The following SRPX variants were observed in gnomAD, a reference collection of about 807,000 sequenced individuals.
SRPX encodes the protein sushi repeat containing protein X-linked, also known as sushi repeat-containing protein SRPX.
A neutral mutation model predicts 38.1 loss-of-function variants in SRPX; 24 were observed. The ratio of observed to expected loss-of-function variants is 0.63; its 90% confidence interval spans 0.46 to 0.89. The LOEUF is 0.89. Among genes scored for constraint, SRPX ranks in the 40% least tolerant of loss-of-function variants. The pLI, the probability that SRPX is intolerant of heterozygous loss-of-function variation, is 0.00. For synonymous variants in SRPX, 184 were observed against 153.8 expected (o/e 1.20, Z -1.45); for missense variants, 416 against 377.8 (o/e 1.10, Z -0.84).
At chrX:38,151,036 A>G (rs1465524807) in intron 9 of SRPX, among the ~76,000 whole-genome samples, 1 of 112,334 alleles carries the variant, frequency 8.9e-6, no homozygotes, top group Non-Finnish European at 1.9e-5. Flanking sequence ...TTTTCCTCAT[A>G]CAAACAGATC....
At chrX:38,179,120 A>G (rs1329977856) in intron 1 of SRPX, among the ~76,000 whole-genome samples, 2 of 109,431 alleles carry the variant, frequency 1.8e-5, no homozygotes, top group East Asian at 5.7e-4. Flanking sequence ...CTAATTTTGT[A>G]TTTTTAGTAG....
At chrX:38,176,708 G>A (rs751453015) in intron 2 of SRPX, among the ~76,000 whole-genome samples, 5 of 111,716 alleles carry the variant, frequency 4.5e-5, no homozygotes, top group East Asian at 2.8e-4. Flanking sequence ...TAGGAGAATC[G>A]CTTGAACCTG....
In SRPX at chrX:38,172,055, T is replaced by G; in HGVS notation, c.352A>C (p.Lys118Gln). The change falls in exon 4 of 10, where the codon AAG becomes CAG. Residue 118 changes from lysine to glutamine, a missense_variant and splice_region_variant. By Grantham distance (53) the Lys-to-Gln change is moderately conservative (BLOSUM62 1). Transcript: ENST00000378533. ...RWSDKVICKQ[K>Q]RCPTLAMPAN... is the part of the protein sequence containing the mutation. ...GGCATGGCAAGGGTAGGACATCGCTTTTCTGAAAATGAGAAAATCAGATAT... is the reference window on the plus strand; with the variant it reads ...GGCATGGCAAGGGTAGGACATCGCTGTTCTGAAAATGAGAAAATCAGATAT... 1 of 1,207,110 alleles carries G rather than the reference T, an allele frequency of 8.3e-7. No individual in the cohort carries two copies. Among genetic ancestry groups the G allele is most frequent in the South Asian group, 1.8e-5 (1 of 56,302 alleles).
At chrX:38,166,456 A>C (rs1488729762) in intron 4 of SRPX, among the ~76,000 whole-genome samples, 1 of 112,028 alleles carries the variant, frequency 8.9e-6, no homozygotes, top group African/African-American at 3.2e-5. Flanking sequence ...TATTTCAGGG[A>C]TATTAAAAGG....
chrX:38,165,314 A>G (rs1234942570), intron 4 of SRPX, among the ~76,000 whole-genome samples: 1 of 112,246 alleles, frequency 8.9e-6, no homozygotes, highest in East Asian at 2.8e-4. Flanking sequence ...GCTATCATCT[A>G]GTCAGATTCA....
rs146651232 is a variant in SRPX at position 38,157,002 on chromosome X, G to T, written c.983C>A (p.Thr328Lys). The T allele has an allele frequency of 8.3e-7, 1 of 1,209,579 alleles. No homozygotes were observed. The highest frequency in any genetic ancestry group is 1.8e-5 in the African/African-American group (1 of 57,110). Reference protein sequence around the residue: ...AAMNVNVGVRTAAALLDQFYE... With the variant: ...AAMNVNVGVRKAAALLDQFYE... ...AAACTGATCCAGAAGTGCAGCTGCC[G>T]TTCTGACACCCACATTGACGTTCAT... The change falls in exon 8 of 10, where the codon ACG becomes AAG. Residue 328 changes from threonine to lysine, a missense_variant. Transcript: ENST00000378533.
intron 1 of SRPX, among the ~76,000 whole-genome samples, chrX:38,194,556 G>A (rs1938959943): frequency 8.9e-6 from 1 of 112,071 alleles, no homozygotes; most frequent in African/African-American, 3.2e-5. Flanking sequence ...CCTGCACATT[G>A]TTCAAGGGAG....
At chrX:38,219,702 G>A (rs1195257986) in intron 1 of SRPX, among the ~76,000 whole-genome samples, 1 of 111,947 alleles carries the variant, frequency 8.9e-6, no homozygotes, top group Non-Finnish European at 1.9e-5. Context: ...GAACTCAGTA[G>A]GTTCATTTCT....
At chrX:38,181,849 C>T (rs1332368166) in intron 1 of SRPX, among the ~76,000 whole-genome samples, 1 of 111,403 alleles carries the variant, frequency 9.0e-6, no homozygotes, top group Non-Finnish European at 1.9e-5. Context: ...TACCCTAACA[C>T]AGGGCACACT....
chrX:38,149,709 T>C lies in SRPX; in HGVS notation c.*2A>G, dbSNP rs1239760037. Reference sequence around the variant, plus strand: ...GGAATTGCCAAGAGAGGAACCATCATGTCAGGTGTTACAGGTCTGGCTCAT... The same window carrying C: ...GGAATTGCCAAGAGAGGAACCATCACGTCAGGTGTTACAGGTCTGGCTCAT... On this transcript the variant is annotated 3_prime_UTR_variant, in exon 10 of 10. Transcript: ENST00000378533. 5 of 1,206,429 alleles carry C rather than the reference T, an allele frequency of 4.1e-6. No homozygotes were observed. Among genetic ancestry groups the C allele is most frequent in the Non-Finnish European group, 5.6e-6 (5 of 893,358 alleles).
chrX:38,196,304 A>G lies in SRPX; in HGVS notation c.98-17960T>C, dbSNP rs370670440. Among the ~76,000 whole-genome samples the G allele has an allele frequency of 2.7e-5, 3 of 112,566 alleles. No homozygotes were observed. The East Asian group carries it at 8.3e-4, about 31-fold the overall frequency. On this transcript the variant is annotated intron_variant, in intron 1 of 9. Coordinates refer to ENST00000378533, the MANE Select transcript of SRPX (RefSeq NM_006307.5). Reference sequence around the variant, plus strand: ...TTTATGAATTGTATTCACAGAAAGCAATTACTTTTCACTTTTTTGAATACA... The same window carrying G: ...TTTATGAATTGTATTCACAGAAAGCGATTACTTTTCACTTTTTTGAATACA...
chrX:38,169,506 T>C (rs889407648), intron 4 of SRPX, among the ~76,000 whole-genome samples: 5 of 111,839 alleles, frequency 4.5e-5, no homozygotes, highest in Non-Finnish European at 7.5e-5. Flanking sequence ...AAAAAATAAG[T>C]GAGCAAAAAA....
At chrX:38,150,738 T>C (rs982969704) in intron 9 of SRPX, among the ~76,000 whole-genome samples, 11 of 112,502 alleles carry the variant, frequency 9.8e-5, no homozygotes, top group African/African-American at 3.5e-4. Context: ...TGATTAATCA[T>C]AATTTGTACC....
intron 9 of SRPX, among the ~76,000 whole-genome samples, chrX:38,151,027 T>C (rs1377702160): frequency 8.9e-6 from 1 of 112,214 alleles, no homozygotes; most frequent in Admixed American, 9.5e-5. Context: ...TAAAATATGT[T>C]TTCCTCATAC....
chrX:38,203,548 G>A (rs1037278547), intron 1 of SRPX, among the ~76,000 whole-genome samples: 1 of 113,227 alleles, frequency 8.8e-6, no homozygotes, highest in African/African-American at 3.2e-5. Flanking sequence ...GGAGGCTGAG[G>A]CGAGTGGATC....
At chrX:38,175,851 CA>C (rs955479815) in intron 2 of SRPX, among the ~76,000 whole-genome samples, 4 of 111,834 alleles carry the variant, frequency 3.6e-5, no homozygotes, top group Admixed American at 9.5e-5. Context: ...GGAGCTCACA[CA>C]AGGCCTAAAG....
At chrX:38,216,883 C>T (rs5964313) in intron 1 of SRPX, among the ~76,000 whole-genome samples, 1,320 of 112,458 alleles carry the variant, frequency 0.012, 18 homozygotes, top group African/African-American at 0.04. Flanking sequence ...CTCCAGCTTG[C>T]GGTTGCAGTC....
chrX:38,152,268 A>G (rs1172631291), intron 9 of SRPX, among the ~76,000 whole-genome samples: 1 of 112,370 alleles, frequency 8.9e-6, no homozygotes, highest in Non-Finnish European at 1.9e-5. Flanking sequence ...TGCCGGCCTG[A>G]CACAGAATCC....
rs557355653 is a variant in SRPX at position 38,166,980 on chromosome X, C to A, written c.527-2085G>T. Among the ~76,000 whole-genome samples, 92 of 111,741 alleles carry A rather than the reference C, an allele frequency of 8.2e-4. 1 individual carries two copies. The South Asian group carries it at 0.034, about 41-fold the overall frequency. ...ACAATGATCAGCTGAACTGGCCTAG[C>A]TTTTCAGAAACAGTGCTCTTCCAAA... On this transcript the variant is annotated intron_variant, in intron 4 of 9. Coordinates refer to ENST00000378533, the MANE Select transcript of SRPX (RefSeq NM_006307.5).
Sources: gnomAD v4.1 joint callset for allele counts (sites outside exome capture counted in the v4.1 genomes callset) on GRCh38, gnomAD v4.1.1 for gene constraint, MANE v1.5 for transcripts, NCBI Gene and HGNC (gene_info 2026-07-23, HGNC 2026-07-21) for gene names.